IGF2BP3: variants seen among roughly 807,000 people sequenced by gnomAD.
IGF2BP3 encodes insulin like growth factor 2 mRNA binding protein 3, also known as insulin-like growth factor 2 mRNA-binding protein 3.
In IGF2BP3, 9 loss-of-function variants were observed where a neutral mutation model predicts 73.8. The observed-to-expected ratio is 0.12, with a 90% CI of 0.07 to 0.21. The LOEUF is 0.21. Among genes scored for constraint, IGF2BP3 ranks in the 10% least tolerant of loss-of-function variants. The pLI is 1.00. For missense variants in IGF2BP3, 542 were observed against 714.0 expected (o/e 0.76, Z 2.75); for synonymous variants, 258 against 256.7 (o/e 1.01, Z -0.05).
At chr7:23,434,161 A>C (rs1787754244) in intron 2 of IGF2BP3, among the ~76,000 whole-genome samples, 1 of 152,128 alleles carries the variant, frequency 6.6e-6, no homozygotes, top group Non-Finnish European at 1.5e-5. Context: ...ACCATCACTA[A>C]AACTGTACCT....
chr7:23,338,937 C>G (rs762007760), intron 10 of IGF2BP3, among the ~76,000 whole-genome samples: 117 of 152,204 alleles, frequency 7.7e-4, no homozygotes, highest in Non-Finnish European at 4.1e-4. Flanking sequence ...TGTATCACTG[C>G]CTGGAACACA....
chr7:23,373,462 C>T (rs1174061771), intron 3 of IGF2BP3, among the ~76,000 whole-genome samples: 1 of 147,460 alleles, frequency 6.8e-6, no homozygotes, highest in Non-Finnish European at 1.5e-5. Flanking sequence ...AAGGAGATAC[C>T]ACTTCACCTC....
intron 2 of IGF2BP3, among the ~76,000 whole-genome samples, chr7:23,425,626 G>A (rs1001996549): frequency 6.6e-6 from 1 of 151,870 alleles, no homozygotes; most frequent in Non-Finnish European, 1.5e-5. Context: ...CTCCTGCCTT[G>A]GCCTCAATAA....
In IGF2BP3 at chr7:23,376,051, A is replaced by G. The variant is rs368118955; in HGVS notation, c.286-14310T>C. 1.5e-4 allele frequency among the ~76,000 whole-genome samples: 23 copies of G among 152,348 alleles called. 1 individual carries two copies. The highest frequency in any genetic ancestry group is 9.1e-4 in the Admixed American group (14 of 15,306). ...GGTGCAGTTAAGAATACCACACTAC[A>G]TGAAAACACATGATTTGGTAAAACT... On this transcript the variant is annotated intron_variant, in intron 3 of 14. Transcript: ENST00000258729.
At chr7:23,439,677 C>T (rs1419879936) in intron 2 of IGF2BP3, among the ~76,000 whole-genome samples, 2 of 151,920 alleles carry the variant, frequency 1.3e-5, no homozygotes, top group Non-Finnish European at 2.9e-5. Context: ...GAGTTTAACA[C>T]GTAACCAACC....
intron 3 of IGF2BP3, among the ~76,000 whole-genome samples, chr7:23,364,926 G>A (rs1306492506): frequency 6.6e-6 from 1 of 152,106 alleles, no homozygotes; most frequent in Admixed American, 6.6e-5. Flanking sequence ...AGCACTTTGG[G>A]AGGCCGAGGC....
chr7:23,445,756 T>G (rs1788050755), intron 2 of IGF2BP3, among the ~76,000 whole-genome samples: 1 of 152,116 alleles, frequency 6.6e-6, no homozygotes, highest in South Asian at 2.1e-4. Context: ...AAAAATAACC[T>G]GCAGGTGATT....
At chr7:23,376,536 C>T (rs1583958122) in intron 3 of IGF2BP3, among the ~76,000 whole-genome samples, 1 of 92,008 alleles carries the variant, frequency 1.1e-5, no homozygotes, top group African/African-American at 4.5e-5. Context: ...CTCCATCTCC[C>T]AAAGAAAAAA....
At chr7:23,380,516 G>A (rs904571967) in intron 3 of IGF2BP3, among the ~76,000 whole-genome samples, 6 of 152,056 alleles carry the variant, frequency 3.9e-5, no homozygotes, top group African/African-American at 1.4e-4. Context: ...ATTTAATATG[G>A]TTCAAGACTG....
chr7:23,392,515 T>C (rs540355021), intron 3 of IGF2BP3, among the ~76,000 whole-genome samples: 3 of 146,590 alleles, frequency 2.0e-5, no homozygotes, highest in Non-Finnish European at 3.0e-5. Flanking sequence ...CACATATATA[T>C]ACACACACAC....
chr7:23,391,701 G>T (rs1261591906), intron 3 of IGF2BP3, among the ~76,000 whole-genome samples: 2 of 152,188 alleles, frequency 1.3e-5, no homozygotes, highest in Admixed American at 6.5e-5. Flanking sequence ...TCATCCAAAA[G>T]ATTGCAAATG....
intron 3 of IGF2BP3, among the ~76,000 whole-genome samples, chr7:23,367,731 T>C (rs1785420890): frequency 6.6e-6 from 1 of 151,960 alleles, no homozygotes; most frequent in South Asian, 2.1e-4. Context: ...CTGGGCGCGG[T>C]GGCTCACGCC....
chr7:23,467,921 C>G (rs1210866372), intron 2 of IGF2BP3: 2 of 155,236 alleles, frequency 1.3e-5, no homozygotes, highest in East Asian at 1.9e-4. Flanking sequence ...TGTAGAACTT[C>G]GGAGTGACTC....
chr7:23,317,652 T>G lies in IGF2BP3; in HGVS notation c.1382A>C (p.Glu461Ala). 3.1e-6 allele frequency: 5 copies of G among 1,613,988 alleles called. No individual in the cohort carries two copies. The highest frequency in any genetic ancestry group is 4.2e-6 in the Non-Finnish European group (5 of 1,179,844). Residue 461 changes from glutamate to alanine, a missense_variant, in exon 12 of 15, where the codon GAG (glutamate) becomes GCG (alanine). This residue lies in a region of IGF2BP3 where 303 missense variants were observed against 472.1 expected (regional missense o/e 0.64). Coordinates refer to ENST00000258729, the MANE Select transcript of IGF2BP3 (RefSeq NM_006547.3). Reference protein sequence around the residue: ...VRMVIITGPPEAQFKAQGRIY... With the variant: ...VRMVIITGPPAAQFKAQGRIY... ...TAGAGCACATACCTTGAACTGAGCCTCTGGTGGTCCAGTGATAATCACCAT... is the reference window on the plus strand; with the variant it reads ...TAGAGCACATACCTTGAACTGAGCCGCTGGTGGTCCAGTGATAATCACCAT...
At chr7:23,396,671 A>C (rs1786483908) in intron 3 of IGF2BP3, among the ~76,000 whole-genome samples, 1 of 152,282 alleles carries the variant, frequency 6.6e-6, no homozygotes, top group Non-Finnish European at 1.5e-5. Context: ...AGAAAGATGG[A>C]AAGGATCCAG....
chr7:23,350,670 G>C (rs1233437001), intron 6 of IGF2BP3, among the ~76,000 whole-genome samples: 1 of 144,102 alleles, frequency 6.9e-6, no homozygotes, highest in Non-Finnish European at 1.5e-5. Context: ...TATGTAGCAG[G>C]GCCCTGGCCT....
intron 5 of IGF2BP3, among the ~76,000 whole-genome samples, chr7:23,359,881 A>C (rs895614181): frequency 6.6e-6 from 1 of 152,158 alleles, no homozygotes; most frequent in Non-Finnish European, 1.5e-5. Flanking sequence ...AAAAGAAGAG[A>C]AAGAAAAATA....
intron 12 of IGF2BP3, 36 bp from the exon 13 acceptor site, chr7:23,313,689 T>C: frequency 1.2e-6 from 2 of 1,603,148 alleles, no homozygotes; most frequent in East Asian, 2.2e-5. Context: ...GTGTCATTCA[T>C]GTATGAAATG....
intron 2 of IGF2BP3, among the ~76,000 whole-genome samples, chr7:23,419,206 T>A (rs1276218788): frequency 6.6e-6 from 1 of 152,008 alleles, no homozygotes; most frequent in Non-Finnish European, 1.5e-5. Flanking sequence ...AGCTAAGGAG[T>A]CCATGGATAA....
Sources: allele counts gnomAD v4.1 joint callset (sites outside exome capture counted in the v4.1 genomes callset), GRCh38; gene constraint gnomAD v4.1.1; regional missense constraint gnomAD v4.1.1; transcripts MANE v1.5; gene names NCBI Gene and HGNC (gene_info 2026-07-23, HGNC 2026-07-21).